CDK14: variants seen among roughly 807,000 people sequenced by gnomAD.
CDK14 encodes the protein cyclin-dependent kinase 14.
CDK14 carries 34 observed loss-of-function variants against 60.7 expected under a neutral mutation model. That is an observed-to-expected ratio of 0.56 (90% CI 0.43 to 0.75). The LOEUF (loss-of-function observed/expected upper bound fraction) is 0.75. CDK14 is among the 30% of genes least tolerant of loss of function. The pLI is 0.00. For synonymous variants in CDK14, 197 were observed against 203.7 expected (o/e 0.97, Z 0.28); for missense variants, 482 against 564.1 (o/e 0.85, Z 1.47).
chr7:91,160,115 C>T (rs1032318024), intron 14 of CDK14, among the ~76,000 whole-genome samples: 3 of 152,028 alleles, frequency 2.0e-5, no homozygotes, highest in Admixed American at 1.3e-4. Flanking sequence ...TGAGATGATA[C>T]AAAGATTTCC....
intron 6 of CDK14, among the ~76,000 whole-genome samples, chr7:90,883,591 A>G (rs1329948893): frequency 2.0e-5 from 3 of 152,222 alleles, no homozygotes; most frequent in Non-Finnish European, 4.4e-5. Context: ...CATTTTATGA[A>G]GCCAGCATCA....
intron 5 of CDK14, among the ~76,000 whole-genome samples, chr7:90,823,864 A>G (rs2117085898): frequency 6.6e-6 from 1 of 152,274 alleles, no homozygotes; most frequent in African/African-American, 2.4e-5. Flanking sequence ...GTTATTTTGA[A>G]TGCACTGTAT....
chr7:90,838,941 C>T (rs1476795067), intron 5 of CDK14, among the ~76,000 whole-genome samples: 2 of 152,154 alleles, frequency 1.3e-5, no homozygotes, highest in African/African-American at 4.8e-5. Flanking sequence ...ACTCACTATT[C>T]ATATACCCCC....
At chr7:90,960,356 T>C (rs960828956) in intron 9 of CDK14, among the ~76,000 whole-genome samples, 1 of 152,114 alleles carries the variant, frequency 6.6e-6, no homozygotes, top group Admixed American at 6.6e-5. Context: ...AGTCTCTTCC[T>C]TTCATCATCT....
At chr7:90,643,839 C>A (rs373705892) in intron 2 of CDK14, among the ~76,000 whole-genome samples, 55 of 152,108 alleles carry the variant, frequency 3.6e-4, no homozygotes, top group African/African-American at 1.3e-3. Flanking sequence ...TCAACAGCCT[C>A]AAATTTTTAT....
chr7:90,894,987 T>C (rs866886215), intron 6 of CDK14, among the ~76,000 whole-genome samples: 11 of 152,262 alleles, frequency 7.2e-5, no homozygotes, highest in South Asian at 2.1e-4. Context: ...CATAGAGAGA[T>C]TGTTTTAGTT....
chr7:90,815,729 A>G (rs1029341327), intron 5 of CDK14, among the ~76,000 whole-genome samples: 7 of 152,236 alleles, frequency 4.6e-5, no homozygotes, highest in Admixed American at 6.5e-5. Flanking sequence ...ATGGAATACT[A>G]TGCAGCCATA....
intron 5 of CDK14, among the ~76,000 whole-genome samples, chr7:90,830,147 C>T (rs1004221362): frequency 3.9e-5 from 6 of 152,154 alleles, no homozygotes; most frequent in African/African-American, 9.7e-5. Context: ...GCCTCTGCAT[C>T]GCCCTAGTAG....
At chr7:91,079,548 C>A (rs1053798846) in intron 12 of CDK14, 68 bp downstream of exon 12, 3 of 1,115,942 alleles carry the variant, frequency 2.7e-6, no homozygotes, top group African/African-American at 1.5e-5. Context: ...TCTTCTCATA[C>A]GTTTTTCATG....
intron 6 of CDK14, among the ~76,000 whole-genome samples, chr7:90,882,231 G>A (rs1178927809): frequency 2.9e-5 from 4 of 135,714 alleles, no homozygotes; most frequent in Non-Finnish European, 4.7e-5. Flanking sequence ...AAAATAAAGG[G>A]ATGGAGGAAA....
chr7:91,147,022 A>G (rs1177782920), intron 14 of CDK14, among the ~76,000 whole-genome samples: 1 of 152,124 alleles, frequency 6.6e-6, no homozygotes, highest in Non-Finnish European at 1.5e-5. Flanking sequence ...GTGGGTGTAG[A>G]CAAGTCAGTT....
chr7:90,717,547 G>T (rs1247066941), intron 2 of CDK14, among the ~76,000 whole-genome samples: 2 of 151,980 alleles, frequency 1.3e-5, no homozygotes, highest in African/African-American at 4.8e-5. Context: ...AGTGAAATTG[G>T]GTCAGATGCC....
chr7:90,818,182 G>A (rs896863737), intron 5 of CDK14, among the ~76,000 whole-genome samples: 5 of 152,154 alleles, frequency 3.3e-5, no homozygotes, highest in African/African-American at 1.2e-4. Flanking sequence ...TAGCATAACT[G>A]TGAATGTGTT....
At chr7:91,028,908 C>T (rs1434545697) in intron 10 of CDK14, among the ~76,000 whole-genome samples, 1 of 151,752 alleles carries the variant, frequency 6.6e-6, no homozygotes, top group Non-Finnish European at 1.5e-5. Context: ...CTCTTTAATT[C>T]TATTGATTAT....
chr7:91,058,115 C>G lies in CDK14; in HGVS notation c.1105+12155C>G, dbSNP rs562186660. Reference sequence around the variant, plus strand: ...GGTTTGTAGTTCTCCTTGAAGAGGTCCTTCACATCCCTTGTAAATTGGATT... The same window carrying G: ...GGTTTGTAGTTCTCCTTGAAGAGGTGCTTCACATCCCTTGTAAATTGGATT... On this transcript the variant is annotated intron_variant, in intron 11 of 14. Transcript: ENST00000380050. Among the ~76,000 whole-genome samples, 574 of 152,160 alleles carry G rather than the reference C, an allele frequency of 3.8e-3. 4 individuals are homozygous for G. Among genetic ancestry groups the G allele is most frequent in the Middle Eastern group, 6.8e-3 (2 of 294 alleles).
At chr7:90,606,407 G>C (rs1179108154) in intron 2 of CDK14, among the ~76,000 whole-genome samples, 1 of 152,144 alleles carries the variant, frequency 6.6e-6, no homozygotes, top group Non-Finnish European at 1.5e-5. Flanking sequence ...GAAGGTTTCA[G>C]AATAATGGCT....
chr7:90,864,018 C>T (rs1213748949), intron 6 of CDK14, among the ~76,000 whole-genome samples: 2 of 151,790 alleles, frequency 1.3e-5, no homozygotes, highest in South Asian at 2.1e-4. Flanking sequence ...CAAATGACAT[C>T]GGTGCAGACA....
Position 91,089,635 on chromosome 7 carries a change from A to T in CDK14, c.1154+10155A>T, listed in dbSNP as rs370610302. 4.6e-5 allele frequency among the ~76,000 whole-genome samples: 7 copies of T among 151,298 alleles called. No homozygotes were observed. In the East Asian group the frequency reaches 5.8e-4, roughly 13 times the overall value. On this transcript the variant is annotated intron_variant, in intron 12 of 14. Transcript: ENST00000380050. ...ATATGAGATACGCAGCTATATATAT[A>T]TTTTCCGATAGCAAAACAAGTAAAA...
chr7:91,133,257 G>T (rs1206953616), intron 14 of CDK14, among the ~76,000 whole-genome samples: 1 of 152,042 alleles, frequency 6.6e-6, no homozygotes, highest in Non-Finnish European at 1.5e-5. Flanking sequence ...CCCTGTAAGG[G>T]TTAACTGTAG....
Sources: gnomAD v4.1 joint callset for allele counts (sites outside exome capture counted in the v4.1 genomes callset) on GRCh38, gnomAD v4.1.1 for gene constraint, MANE v1.5 for transcripts, NCBI Gene and HGNC (gene_info 2026-07-23, HGNC 2026-07-21) for gene names.